LDLRAD4: variants seen among roughly 807,000 people sequenced by gnomAD.
The protein encoded by LDLRAD4 is low density lipoprotein receptor class A domain containing 4.
A neutral mutation model predicts 17.0 loss-of-function variants in LDLRAD4; 5 were observed. That is an observed-to-expected ratio of 0.29 (90% confidence interval 0.15 to 0.62). The LOEUF (loss-of-function observed/expected upper bound fraction) is 0.62. LDLRAD4 is among the 20% of genes least tolerant of loss of function. LDLRAD4 has a pLI of 0.84. For synonymous variants in LDLRAD4, 168 were observed against 171.8 expected (o/e 0.98, Z 0.17); for missense variants, 340 against 424.7 (o/e 0.80, Z 1.75).
At chr18:13,233,242 G>A (rs2042170695) in intron 1 of LDLRAD4, among the ~76,000 whole-genome samples, 1 of 152,332 alleles carries the variant, frequency 6.6e-6, no homozygotes, top group Non-Finnish European at 1.5e-5. Context: ...GTTCAGATAC[G>A]TTCTCTGCTA....
intron 3 of LDLRAD4, among the ~76,000 whole-genome samples, chr18:13,619,761 A>G (rs1329139522): frequency 3.3e-5 from 5 of 152,078 alleles, no homozygotes; most frequent in African/African-American, 7.2e-5. Flanking sequence ...GCCTCTGAGC[A>G]TGGCTTTGTC....
intron 3 of LDLRAD4, among the ~76,000 whole-genome samples, chr18:13,464,536 G>C (rs138775905): frequency 1.8e-3 from 275 of 152,192 alleles, no homozygotes; most frequent in African/African-American, 6.4e-3. Context: ...AAAACTCTTA[G>C]ATCAGGTCTT....
At position 13,622,828 on chromosome 18, in the gene LDLRAD4, G is replaced by A. The variant is rs967683239; in HGVS notation, c.336+1557G>A. ...CCTTAATGTATTACGGGCTGTGAACGCCACCCCTGGACTTGGTGGAAACAA... is the reference window on the plus strand; with the variant it reads ...CCTTAATGTATTACGGGCTGTGAACACCACCCCTGGACTTGGTGGAAACAA... On this transcript the variant is annotated intron_variant, in intron 4 of 5. Coordinates refer to ENST00000359446, the Ensembl canonical transcript of LDLRAD4. The surrounding 1 kb of genome is among the most constrained non-coding windows in gnomAD (Gnocchi z 5.3). Among the ~76,000 whole-genome samples, 3 of 152,182 alleles carry A rather than the reference G, an allele frequency of 2.0e-5. No individual in the cohort carries two copies. Among genetic ancestry groups the A allele is most frequent in the Non-Finnish European group, 4.4e-5 (3 of 68,018 alleles).
intron 3 of LDLRAD4, among the ~76,000 whole-genome samples, chr18:13,496,219 A>T (rs1417785658): frequency 6.6e-6 from 1 of 152,158 alleles, no homozygotes; most frequent in African/African-American, 2.4e-5. Context: ...ACTGTCAGGA[A>T]ATCGTGTGCG....
intron 4 of LDLRAD4, among the ~76,000 whole-genome samples, chr18:13,629,210 T>C (rs1159125467): frequency 6.6e-6 from 1 of 152,230 alleles, no homozygotes; most frequent in Non-Finnish European, 1.5e-5. Flanking sequence ...AAATCTTCCT[T>C]TGCAAAGAGC....
At chr18:13,650,482 A>G in exon 6 of LDLRAD4, 7 of 397,666 alleles carry the variant, frequency 1.8e-5, no homozygotes, top group Non-Finnish European at 2.2e-5. Context: ...AGAGATCTGC[A>G]TGTCAGTTTT....
chr18:13,388,815 C>A (rs1462839975), intron 2 of LDLRAD4, among the ~76,000 whole-genome samples: 1 of 152,262 alleles, frequency 6.6e-6, no homozygotes, highest in Non-Finnish European at 1.5e-5. Flanking sequence ...TCTTCCCAAC[C>A]TCGGCCGCTT....
At chr18:13,273,709 A>G (rs1567956206), upstream of LDLRAD4, among the ~76,000 whole-genome samples, 1 of 152,106 alleles carries the variant, frequency 6.6e-6, no homozygotes, top group Non-Finnish European at 1.5e-5. Context: ...GCCCAAACAA[A>G]TTTCCCATCT....
At chr18:13,481,640 G>A (rs1000038400) in intron 3 of LDLRAD4, among the ~76,000 whole-genome samples, 6 of 152,026 alleles carry the variant, frequency 3.9e-5, no homozygotes, top group Non-Finnish European at 8.8e-5. Context: ...GTGTTCTCTC[G>A]CTGGACACCA....
chr18:13,583,240 A>G (rs999744165), intron 3 of LDLRAD4, among the ~76,000 whole-genome samples: 12 of 152,328 alleles, frequency 7.9e-5, no homozygotes, highest in African/African-American at 2.4e-4. Context: ...TTAATATTTT[A>G]GTATTTCTTT....
At chr18:13,447,723 T>G (rs1156748527) in intron 3 of LDLRAD4, among the ~76,000 whole-genome samples, 1 of 152,208 alleles carries the variant, frequency 6.6e-6, no homozygotes, top group Non-Finnish European at 1.5e-5. Context: ...CAGTGTCAGA[T>G]TCCTGCTTCG....
chr18:13,233,227 A>G lies in LDLRAD4; in HGVS notation c.-467+14239A>G, dbSNP rs576716620. ...ACTGGCCGCTAAGAAGGCAAATGCC[A>G]TGCCGTTCAGATACGTTCTCTGCTA... On this transcript the variant is annotated intron_variant, in intron 1 of 5. Coordinates refer to the LDLRAD4 transcript ENST00000399848. 2.6e-5 allele frequency among the ~76,000 whole-genome samples: 4 copies of G among 152,356 alleles called. No homozygotes were observed. In the East Asian group the frequency reaches 5.8e-4, roughly 22 times the overall value.
chr18:13,642,496 G>C (rs1601883935), intron 4 of LDLRAD4: 4 of 1,219,378 alleles, frequency 3.3e-6, no homozygotes, highest in Non-Finnish European at 4.1e-6. Context: ...TTTTGAAAAA[G>C]GATGCTAACT....
intron 3 of LDLRAD4, among the ~76,000 whole-genome samples, chr18:13,574,664 T>A (rs2094742768): frequency 6.6e-6 from 1 of 152,210 alleles, no homozygotes; most frequent in South Asian, 2.1e-4. Flanking sequence ...CTTCACACTC[T>A]ACCTCTCTCA....
intron 1 of LDLRAD4, among the ~76,000 whole-genome samples, chr18:13,322,680 C>T (rs1302990769): frequency 5.3e-5 from 8 of 151,920 alleles, no homozygotes; most frequent in East Asian, 3.9e-4. Context: ...TGCAGTGGCG[C>T]GATCTCAGCT....
intron 3 of LDLRAD4, among the ~76,000 whole-genome samples, chr18:13,557,117 A>G (rs1284420): frequency 0.57 from 85,895 of 151,404 alleles, 24,548 homozygotes; most frequent in Admixed American, 0.59. Flanking sequence ...CAACACCGCA[A>G]ACCCTATCTT....
intron 3 of LDLRAD4, among the ~76,000 whole-genome samples, chr18:13,594,665 CA>C (rs56035558): frequency 0.012 from 351 of 29,590 alleles, 2 homozygotes; most frequent in Non-Finnish European, 0.018. Flanking sequence ...GATTCCATCT[CA>C]AAAAAAAAAA....
intron 1 of LDLRAD4, among the ~76,000 whole-genome samples, chr18:13,356,775 A>G (rs1225395069): frequency 1.3e-5 from 2 of 152,144 alleles, no homozygotes; most frequent in Non-Finnish European, 2.9e-5. Context: ...ACTTTCTAAC[A>G]TTTCTTTATG....
intron 1 of LDLRAD4, among the ~76,000 whole-genome samples, chr18:13,336,477 T>C (rs1169606392): frequency 6.6e-6 from 1 of 152,202 alleles, no homozygotes; most frequent in East Asian, 1.9e-4. Flanking sequence ...AGGAATTCTT[T>C]TTATGCATCT....
Sources: allele counts gnomAD v4.1 joint callset (sites outside exome capture counted in the v4.1 genomes callset), GRCh38; gene constraint gnomAD v4.1.1; non-coding constraint Gnocchi (gnomAD v3.1); transcripts MANE v1.5; gene names NCBI Gene and HGNC (gene_info 2026-07-23, HGNC 2026-07-21).